Variants in COL14A1 observed in about 807,000 individuals in gnomAD.
COL14A1 encodes the protein collagen type XIV alpha 1 chain.
In COL14A1, 136 loss-of-function variants were observed where a neutral mutation model predicts 230.3. That is an observed-to-expected ratio of 0.59 (90% CI 0.51 to 0.68). The LOEUF is 0.68. Ranked by LOEUF, COL14A1 falls within the 30% of genes least tolerant of loss-of-function variation. The pLI is 0.00. For synonymous variants in COL14A1, 792 were observed against 784.1 expected (o/e 1.01, Z -0.17); for missense variants, 1,976 against 2,215.8 (o/e 0.89, Z 2.17).
chr8:120,348,480 T>G (rs1245696099), intron 45 of COL14A1, among the ~76,000 whole-genome samples: 1 of 151,920 alleles, frequency 6.6e-6, no homozygotes, highest in Admixed American at 6.6e-5. Flanking sequence ...AGCTAAGCTA[T>G]GAGGATGCAA....
intron 40 of COL14A1, among the ~76,000 whole-genome samples, chr8:120,320,643 T>A (rs189157446): frequency 1.0e-3 from 159 of 152,326 alleles, no homozygotes; most frequent in African/African-American, 3.7e-3. Context: ...ATTATTCCCT[T>A]GAGCATCTTC....
intron 5 of COL14A1, among the ~76,000 whole-genome samples, chr8:120,173,065 T>C (rs907268507): frequency 1.7e-4 from 26 of 152,242 alleles, no homozygotes; most frequent in Non-Finnish European, 3.8e-4. Flanking sequence ...GTAACTATTA[T>C]GATGTTTCTC....
intron 26 of COL14A1, among the ~76,000 whole-genome samples, chr8:120,270,925 T>A (rs1819647894): frequency 6.6e-6 from 1 of 151,708 alleles, no homozygotes; most frequent in African/African-American, 2.4e-5. Context: ...TGCATGCACA[T>A]GTATGTTCAT....
chr8:120,164,516 A>G (rs1306158539), intron 4 of COL14A1, among the ~76,000 whole-genome samples: 2 of 152,176 alleles, frequency 1.3e-5, no homozygotes, highest in African/African-American at 4.8e-5. Context: ...GAAAAATCGC[A>G]ATTACTTTTG....
At chr8:120,177,694 CTA>C (rs3030325) in intron 5 of COL14A1, among the ~76,000 whole-genome samples, 64 of 129,320 alleles carry the variant, frequency 4.9e-4, no homozygotes, top group African/African-American at 1.1e-3. Context: ...TATAAAAAGA[CTA>C]TATATATATA....
At chr8:120,343,758 A>G (rs571382568) in intron 44 of COL14A1, among the ~76,000 whole-genome samples, 1 of 152,260 alleles carries the variant, frequency 6.6e-6, no homozygotes, top group African/African-American at 2.4e-5. Flanking sequence ...ACATTATAAA[A>G]GAGAAATTGA....
chr8:120,166,821 A>C (rs1815891571), intron 4 of COL14A1, among the ~76,000 whole-genome samples: 1 of 151,774 alleles, frequency 6.6e-6, no homozygotes, highest in Non-Finnish European at 1.5e-5. Flanking sequence ...GGAGTGGTCA[A>C]AAGGAGAAAA....
chr8:120,368,757 T>G (rs1274786680), intron 46 of COL14A1, among the ~76,000 whole-genome samples: 1 of 152,236 alleles, frequency 6.6e-6, no homozygotes, highest in African/African-American at 2.4e-5. Flanking sequence ...AACTTGTCAT[T>G]GGTCCCCTCC....
intron 1 of COL14A1, among the ~76,000 whole-genome samples, chr8:120,135,482 C>T (rs967198639): frequency 1.3e-5 from 2 of 152,158 alleles, no homozygotes; most frequent in African/African-American, 4.8e-5. Context: ...TCAGGCTGGT[C>T]TCGAACTCCC....
chr8:120,242,088 G>A (rs1818623422), intron 19 of COL14A1, among the ~76,000 whole-genome samples: 1 of 152,164 alleles, frequency 6.6e-6, no homozygotes, highest in African/African-American at 2.4e-5. Flanking sequence ...TATATAAAGT[G>A]TATATGAAAT....
chr8:120,193,852 C>G (rs1223603856), intron 5 of COL14A1, among the ~76,000 whole-genome samples: 4 of 152,198 alleles, frequency 2.6e-5, no homozygotes, highest in Non-Finnish European at 5.9e-5. Context: ...ACCCTCCGAG[C>G]CAGGTGTGGG....
At chr8:120,251,108 A>C (rs144230415) in intron 22 of COL14A1, among the ~76,000 whole-genome samples, 1 of 151,826 alleles carries the variant, frequency 6.6e-6, no homozygotes, top group Non-Finnish European at 1.5e-5. Context: ...TGTAACTTTC[A>C]CTCAACCCTG....
Position 120,314,090 on chromosome 8 carries a change from G to A in COL14A1, c.4551+63G>A, listed in dbSNP as rs184111938. On this transcript the variant is annotated intron_variant, in intron 38 of 47. Transcript: ENST00000297848. ...TATCTCTTTTCCATGAGGTTACAAA[G>A]AATGAACTTTTGTCTTCTGTGTCTT... 4 of 1,227,598 alleles carry A rather than the reference G, an allele frequency of 3.3e-6. No homozygotes were observed. In the Admixed American group the frequency reaches 8.7e-5, roughly 27 times the overall value. The allele number at this position is 1,227,598 out of a possible 1,614,324, so 76.0% of individuals were successfully genotyped here.
chr8:120,315,967 A>T lies in COL14A1; in HGVS notation c.4629A>T (p.Ser1543=). ...AGGGTATCCCAGGAGGCGTTGGTTC[A>T]CCAGGACGTGATGGCTCACCAGGCC... is the stretch of plus-strand genomic sequence containing the variant. The part of the protein sequence containing the change: ...GPQGIPGGVG[S]PGRDGSPGQR... The change falls in exon 40 of 48, where the codon TCA becomes TCT. Residue 1543 remains serine, a synonymous_variant. Coordinates refer to ENST00000297848, the MANE Select transcript of COL14A1 (RefSeq NM_021110.4). 3.7e-6 allele frequency: 6 copies of T among 1,613,944 alleles called. No individual in the cohort carries two copies. The highest frequency in any genetic ancestry group is 5.1e-6 in the Non-Finnish European group (6 of 1,179,962).
chr8:120,299,387 C>G (rs895410043), intron 35 of COL14A1, among the ~76,000 whole-genome samples: 3 of 151,996 alleles, frequency 2.0e-5, no homozygotes, highest in Non-Finnish European at 2.9e-5. Context: ...TTAGAGACAC[C>G]TTGATGTTAT....
At position 120,280,972 on chromosome 8, in the gene COL14A1, T is replaced by C. The variant is rs747167767; in HGVS notation, c.3737T>C (p.Val1246Ala). 11 of 1,612,340 alleles carry C rather than the reference T, an allele frequency of 6.8e-6. No homozygotes were observed. Among genetic ancestry groups the C allele is most frequent in the Non-Finnish European group, 8.5e-6 (10 of 1,179,022 alleles). The change falls in exon 31 of 48, where the codon GTG becomes GCG. Residue 1246 changes from valine (V) to alanine (A), a missense_variant. By Grantham distance (64) the Val-to-Ala change is moderately conservative. Transcript: ENST00000297848. ...TTGGTTGAAAAAGATTTTTCATCAGTGGAAGGGGTTTCTATGGAGCCTGGT... is the reference window on the plus strand; with the variant it reads ...TTGGTTGAAAAAGATTTTTCATCAGCGGAAGGGGTTTCTATGGAGCCTGGT... ...FGLVEKDFSS[V>A]EGVSMEPGTF...
intron 5 of COL14A1, among the ~76,000 whole-genome samples, chr8:120,187,378 A>G (rs1016973237): frequency 7.9e-5 from 12 of 152,072 alleles, no homozygotes; most frequent in Admixed American, 4.6e-4. Context: ...TATGTCCTTT[A>G]TTATAGTCTA....
rs1816218563 is a variant in COL14A1 at position 120,174,740 on chromosome 8, A to G, written c.436+6493A>G. Among the ~76,000 whole-genome samples the G allele has an allele frequency of 3.9e-5, 6 of 152,268 alleles. No homozygotes were observed. In the South Asian group the frequency reaches 1.2e-3, roughly 32 times the overall value. The stretch of plus-strand genomic sequence containing the variant: ...CTTCCTCTTTCAGATGAGGGTTTCC[A>G]TGAGGTGTGTGCCAGGGCAGTGAGG... On this transcript the variant is annotated intron_variant, in intron 5 of 47. Coordinates refer to ENST00000297848, the MANE Select transcript of COL14A1 (RefSeq NM_021110.4).
At chr8:120,198,094 G>GAT (rs1444235438) in intron 7 of COL14A1, among the ~76,000 whole-genome samples, 164 bp downstream of exon 7, 1 of 152,116 alleles carries the variant, frequency 6.6e-6, no homozygotes, top group Non-Finnish European at 1.5e-5. Context: ...TTAAAAGCCA[G>GAT]ATATCTCATT....
Sources: allele counts gnomAD v4.1 joint callset (sites outside exome capture counted in the v4.1 genomes callset), GRCh38; gene constraint gnomAD v4.1.1; transcripts MANE v1.5; gene names NCBI Gene and HGNC (gene_info 2026-07-23, HGNC 2026-07-21).